Variants in PIGX observed in about 807,000 individuals in gnomAD.
The protein encoded by PIGX is GPI alpha-1,4-mannosyltransferase I, stabilizing subunit.
In PIGX, 24 loss-of-function variants were observed where a neutral mutation model predicts 28.7. The observed-to-expected ratio is 0.84, with a 90% CI of 0.60 to 1.17. PIGX has a LOEUF of 1.17. Among genes scored for constraint, PIGX ranks in the 50% most tolerant of loss-of-function variants. The pLI is 0.00. For missense variants in PIGX, 305 were observed against 317.8 expected, an observed-to-expected ratio of 0.96 and a Z score of 0.31; for synonymous variants, 127 against 121.0, an observed-to-expected ratio of 1.05 and a Z score of -0.33.
At chr3:196,722,586 G>A (rs747489665) in intron 3 of PIGX, 30 bp downstream of exon 3, 1 of 1,594,700 alleles carries the variant, frequency 6.3e-7, no homozygotes, top group Non-Finnish European at 8.6e-7. Context: ...TTTTGGGAGA[G>A]AAATTAATTT....
chr3:196,731,179 G>T, intron 5 of PIGX, 87 bp downstream of exon 5: 2 of 695,692 alleles, frequency 2.9e-6, no homozygotes, highest in Non-Finnish European at 4.7e-6. Context: ...TAAGAGATTA[G>T]CATTTTTTTT....
At chr3:196,714,564 C>T (rs1262085769) in intron 1 of PIGX, among the ~76,000 whole-genome samples, 1 of 151,334 alleles carries the variant, frequency 6.6e-6, no homozygotes, top group Admixed American at 6.6e-5. Flanking sequence ...CAGGTTCAAG[C>T]GATTCTCCTG....
At chr3:196,729,545 T>C (rs908835230) in intron 4 of PIGX, among the ~76,000 whole-genome samples, 10 of 150,768 alleles carry the variant, frequency 6.6e-5, no homozygotes, top group Non-Finnish European at 1.2e-4. Context: ...TGCGCCACCA[T>C]GCCTGGCTAA....
intron 4 of PIGX, chr3:196,728,595 G>T: frequency 1.4e-6 from 1 of 739,800 alleles, no homozygotes; most frequent in South Asian, 1.4e-5. Flanking sequence ...CTTCAACACT[G>T]ATCTGTTGAA....
At position 196,732,293 on chromosome 3, in the gene PIGX, T is replaced by A. The variant is rs570616742; in HGVS notation, c.633+1201T>A. Among the ~76,000 whole-genome samples, 29 of 109,674 alleles carry A rather than the reference T, an allele frequency of 2.6e-4. 3 individuals carry two copies. The highest frequency in any genetic ancestry group is 6.6e-4 in the East Asian group (2 of 3,042). The allele number at this position is 109,674 out of a possible 152,430, so 72.0% of individuals were successfully genotyped here. On this transcript the variant is annotated intron_variant, in intron 5 of 5. Coordinates refer to ENST00000392391, the MANE Select transcript of PIGX (RefSeq NM_017861.4). ...TTTATTTTTTTTTTTATTTTATTTT[T>A]TTTTTTGAGACGGAGTCTCGCTCTG...
chr3:196,722,267 A>T (rs1712355001), intron 2 of PIGX, 148 bp from the exon 3 acceptor site: 1 of 571,778 alleles, frequency 1.7e-6, no homozygotes, highest in African/African-American at 1.9e-5. Flanking sequence ...TGATTCTGAC[A>T]TGTTATAAAT....
chr3:196,719,153 C>T (rs904666092), intron 2 of PIGX, among the ~76,000 whole-genome samples: 13 of 152,032 alleles, frequency 8.6e-5, no homozygotes, highest in African/African-American at 3.1e-4. Context: ...ATCCATCTGT[C>T]AGTCTCTGCA....
At chr3:196,727,683 A>T (rs1342169985) in intron 3 of PIGX, among the ~76,000 whole-genome samples, 2 of 152,208 alleles carry the variant, frequency 1.3e-5, no homozygotes, top group Non-Finnish European at 2.9e-5. Context: ...ATTATGGGGA[A>T]ATTTGGTACC....
chr3:196,734,043 T>C lies in PIGX; in HGVS notation c.*141T>C. 1 of 614,348 alleles carries C rather than the reference T, an allele frequency of 1.6e-6. No homozygotes were observed. The highest frequency in any genetic ancestry group is 2.9e-6 in the Non-Finnish European group (1 of 350,284). 38.1% of individuals were successfully genotyped at this position (614,348 alleles called of 1,614,324 possible). On this transcript the variant is annotated 3_prime_UTR_variant, in exon 6 of 6. Coordinates refer to ENST00000392391, the MANE Select transcript of PIGX (RefSeq NM_017861.4). ...TATGTTTACTAGAGGAAATTTGGGATCATTCTCAGCTAATTCCAAAATGTA... is the reference window on the plus strand; with the variant it reads ...TATGTTTACTAGAGGAAATTTGGGACCATTCTCAGCTAATTCCAAAATGTA...
rs1238352379 is a variant in PIGX at position 196,733,062 on chromosome 3, T to G, written c.634-697T>G. Among the ~76,000 whole-genome samples, 1 of 152,202 alleles carries G rather than the reference T, an allele frequency of 6.6e-6. No homozygotes were observed. The highest frequency in any genetic ancestry group is 1.5e-5 in the Non-Finnish European group (1 of 68,030). The stretch of plus-strand genomic sequence containing the variant: ...AATGTTTTTCCTCTAAGTCTTCAAT[T>G]TAGAGAGAATTCTGTATTCTAATTT... On this transcript the variant is annotated intron_variant, in intron 5 of 5. Coordinates refer to ENST00000392391, the MANE Select transcript of PIGX (RefSeq NM_017861.4). This position sits in a 1 kb window ranked among gnomAD's most constrained non-coding sequence, Gnocchi z 4.3.
At chr3:196,723,030 A>T (rs75273728) in intron 3 of PIGX, among the ~76,000 whole-genome samples, 2,920 of 152,260 alleles carry the variant, frequency 0.019, 93 homozygotes, top group African/African-American at 0.066. Flanking sequence ...CTGGAGGTGG[A>T]ATCTCCATTT....
intron 2 of PIGX, among the ~76,000 whole-genome samples, chr3:196,717,277 G>A (rs957169991): frequency 2.6e-5 from 3 of 116,918 alleles, no homozygotes; most frequent in African/African-American, 6.7e-5. Flanking sequence ...CTCCAGCCTG[G>A]GCAACAGAGT....
At chr3:196,731,113 GT>G in intron 5 of PIGX, 21 bp downstream of exon 5, 2 of 1,294,254 alleles carry the variant, frequency 1.5e-6, no homozygotes, top group Admixed American at 1.7e-5. Context: ...GTTTTATGTT[GT>G]TTTTTAGATC....
chr3:196,728,590 A>G lies in PIGX; in HGVS notation c.532+454A>G, dbSNP rs1312963437. On this transcript the variant is annotated intron_variant, in intron 4 of 5. Transcript: ENST00000392391. ...TCTCTCTATCCCTTTCCTTTCTTCA[A>G]CACTGATCTGTTGAAAGAACCTGGG... 6.8e-6 allele frequency: 5 copies of G among 731,416 alleles called. No homozygotes were observed. The East Asian group carries it at 1.2e-4, about 18-fold the overall frequency. The allele number at this position is 731,416 out of a possible 1,614,324, so 45.3% of individuals were successfully genotyped here.
chr3:196,728,112 G>C lies in PIGX; in HGVS notation c.508G>C (p.Asp170His). The change falls in exon 4 of 6, where the codon GAT becomes CAT. Residue 170 changes from aspartate to histidine, a missense_variant. Transcript: ENST00000392391. ...AGCCTCGATTGTGGTCAATAACCCA[G>C]ATTTGTTGATGTTTTGTGACCAAGG... 2 of 1,614,100 alleles carry C rather than the reference G, an allele frequency of 1.2e-6. No homozygotes were observed. Among genetic ancestry groups the C allele is most frequent in the Non-Finnish European group, 1.7e-6 (2 of 1,179,950 alleles).
In PIGX at chr3:196,733,855, A is replaced by G. The variant is rs770250635; in HGVS notation, c.730A>G (p.Thr244Ala). ...TCTGCTCATTACAATCCTGTGCTCT[A>G]CATTGATCCTTGTAGCAGTTTTCAA... The change falls in exon 6 of 6, where the codon ACA becomes GCA. Residue 244 changes from threonine to alanine, a missense_variant. By Grantham distance (58) the Thr-to-Ala change is moderately conservative. Coordinates refer to ENST00000392391, the MANE Select transcript of PIGX (RefSeq NM_017861.4). The surrounding 1 kb of genome is among the most constrained non-coding windows in gnomAD (Gnocchi z 4.3). The G allele has an allele frequency of 6.2e-7, 1 of 1,604,868 alleles. No homozygotes were observed. The highest frequency in any genetic ancestry group is 1.1e-5 in the South Asian group (1 of 90,896).
At chr3:196,714,365 G>A (rs1711995953) in intron 1 of PIGX, among the ~76,000 whole-genome samples, 1 of 152,138 alleles carries the variant, frequency 6.6e-6, no homozygotes, top group African/African-American at 2.4e-5. Flanking sequence ...TTGGGAGGCC[G>A]ATGTGGGAGG....
intron 3 of PIGX, chr3:196,726,747 C>A: frequency 2.2e-6 from 1 of 453,066 alleles, no homozygotes; most frequent in Admixed American, 2.4e-5. Context: ...ACATTGTAAG[C>A]AAGAACAACT....
intron 3 of PIGX, among the ~76,000 whole-genome samples, chr3:196,727,436 C>G (rs1385240448): frequency 6.6e-6 from 1 of 152,078 alleles, no homozygotes; most frequent in African/African-American, 2.4e-5. Context: ...AGAGTGCTGA[C>G]CTTTGCTTTG....
Sources: allele counts gnomAD v4.1 joint callset (sites outside exome capture counted in the v4.1 genomes callset), GRCh38; gene constraint gnomAD v4.1.1; non-coding constraint Gnocchi (gnomAD v3.1); transcripts MANE v1.5; gene names NCBI Gene and HGNC (gene_info 2026-07-23, HGNC 2026-07-21).